MAST4: variants seen among roughly 807,000 people sequenced by gnomAD.
MAST4 encodes the protein microtubule-associated serine/threonine-protein kinase 4.
In MAST4, 89 loss-of-function variants were observed where a neutral mutation model predicts 162.7. The observed-to-expected ratio is 0.55, with a 90% CI of 0.46 to 0.65. The LOEUF (loss-of-function observed/expected upper bound fraction) is 0.65, where lower values mean the gene tolerates loss of function less well. MAST4 is among the 30% of genes least tolerant of loss of function. MAST4 has a pLI of 0.00. For synonymous variants in MAST4, 1,479 were observed against 1,361.1 expected (o/e 1.09, Z -1.91); for missense variants, 3,153 against 3,374.0 (o/e 0.93, Z 1.62).
chr5:67,167,659 A>G lies in MAST4; in HGVS notation c.*608A>G, dbSNP rs939029295. On this transcript the variant is annotated 3_prime_UTR_variant, in exon 29 of 29. Transcript: ENST00000403625. ...CTGAGTTTTTATGTGTATTTTAACC[A>G]GAGTTTCTGATAGTACTGTATCTGG... 2 of 152,244 alleles carry G rather than the reference A, an allele frequency of 1.3e-5. No homozygotes were observed. The highest frequency in any genetic ancestry group is 1.3e-4 in the Admixed American group (2 of 15,284). The allele number at this position is 152,244 out of a possible 1,614,324, so 9.4% of individuals were successfully genotyped here. A position where few individuals can be genotyped will look rare whatever the true frequency, so the allele number is the denominator to read the frequency against.
At chr5:66,906,259 CTCT>C (rs1210859530) in intron 4 of MAST4, among the ~76,000 whole-genome samples, 1 of 152,274 alleles carries the variant, frequency 6.6e-6, no homozygotes, top group Admixed American at 6.5e-5. Flanking sequence ...GTCTGACCCT[CTCT>C]TCTTATCATG....
intron 4 of MAST4, among the ~76,000 whole-genome samples, chr5:67,039,899 C>A (rs1756506957): frequency 6.6e-6 from 1 of 151,802 alleles, no homozygotes; most frequent in Non-Finnish European, 1.5e-5. Flanking sequence ...TTTGGGGTTA[C>A]AAGGCTATAA....
chr5:66,706,556 G>A (rs575915283), intron 1 of MAST4, among the ~76,000 whole-genome samples: 74 of 152,076 alleles, frequency 4.9e-4, no homozygotes, highest in Middle Eastern at 3.4e-3. Context: ...CCACAAAAAC[G>A]TAGAATTTTC....
chr5:66,948,856 C>T (rs192561119), intron 4 of MAST4, among the ~76,000 whole-genome samples: 5 of 152,148 alleles, frequency 3.3e-5, no homozygotes, highest in Admixed American at 2.0e-4. Context: ...ACTCTGTGTG[C>T]GAGCATGGTG....
chr5:66,882,938 A>G (rs564466011), intron 3 of MAST4, among the ~76,000 whole-genome samples: 31 of 152,312 alleles, frequency 2.0e-4, no homozygotes, highest in African/African-American at 7.2e-4. Context: ...AAAAACTCCT[A>G]TTTCTGAGAT....
intron 1 of MAST4, among the ~76,000 whole-genome samples, chr5:66,694,300 G>T (rs773770452): frequency 6.6e-6 from 1 of 152,048 alleles, no homozygotes; most frequent in Non-Finnish European, 1.5e-5. Flanking sequence ...TGTGCTGAAG[G>T]TCCACCCCTT....
At chr5:66,973,237 A>G (rs1457845395) in intron 4 of MAST4, among the ~76,000 whole-genome samples, 1 of 151,918 alleles carries the variant, frequency 6.6e-6, no homozygotes, top group Non-Finnish European at 1.5e-5. Flanking sequence ...GAACATCATT[A>G]TATGGGCTAT....
At chr5:66,836,838 T>A (rs1473085750) in intron 3 of MAST4, among the ~76,000 whole-genome samples, 1 of 152,098 alleles carries the variant, frequency 6.6e-6, no homozygotes, top group Admixed American at 6.5e-5. Flanking sequence ...TAGGGGGTGC[T>A]ATGCTTATTA....
At chr5:66,747,097 G>GGTGTGTGTGTGT (rs138318051) in intron 1 of MAST4, among the ~76,000 whole-genome samples, 2 of 145,990 alleles carry the variant, frequency 1.4e-5, no homozygotes, top group South Asian at 2.2e-4. Context: ...GCATGCGCAT[G>GGTGTGTGTGTGT]GTGTGTGTGT....
intron 14 of MAST4, among the ~76,000 whole-genome samples, chr5:67,129,783 G>C (rs910442372): frequency 6.6e-6 from 1 of 151,972 alleles, no homozygotes; most frequent in Admixed American, 6.6e-5. Context: ...TTGAGAAAAA[G>C]TGTCTAATAT....
At chr5:67,078,766 A>ATATATATATTTATTTATATTTATC (rs1762036037) in intron 5 of MAST4, among the ~76,000 whole-genome samples, 1 of 113,950 alleles carries the variant, frequency 8.8e-6, no homozygotes, top group African/African-American at 4.1e-5. Context: ...ATTTATCTAA[A>ATATATATATTTATTTATATTTATC]TATATATATT....
chr5:66,811,190 C>T lies in MAST4; in HGVS notation c.642+22396C>T, dbSNP rs554003828. ...GCACTGCAGAGAGAGATGTCAGTAA[C>T]GCTCTGCTGCCTCTCAGCTCTGCTG... is the stretch of plus-strand genomic sequence containing the variant. On this transcript the variant is annotated intron_variant, in intron 3 of 28. Transcript: ENST00000403625. Among the ~76,000 whole-genome samples, 69 of 152,304 alleles carry T rather than the reference C, an allele frequency of 4.5e-4. 1 individual carries two copies. In the South Asian group the frequency reaches 8.7e-3, roughly 19 times the overall value.
At chr5:66,972,814 C>T (rs545857907) in intron 4 of MAST4, among the ~76,000 whole-genome samples, 4 of 152,312 alleles carry the variant, frequency 2.6e-5, no homozygotes, top group Admixed American at 6.5e-5. Flanking sequence ...CACTGTCTTC[C>T]GTGATCCGGC....
chr5:66,657,559 C>T (rs1458963679), intron 1 of MAST4, among the ~76,000 whole-genome samples: 1 of 152,122 alleles, frequency 6.6e-6, no homozygotes, highest in Non-Finnish European at 1.5e-5. Flanking sequence ...AAGGTAAAAT[C>T]GGTATTTGTA....
chr5:66,975,325 G>A (rs1040867753), intron 4 of MAST4, among the ~76,000 whole-genome samples: 1 of 152,218 alleles, frequency 6.6e-6, no homozygotes, highest in African/African-American at 2.4e-5. Context: ...AAATGCAGTG[G>A]TAAACTGCAT....
intron 6 of MAST4, among the ~76,000 whole-genome samples, chr5:67,091,899 C>T (rs1004061639): frequency 3.3e-5 from 5 of 152,072 alleles, no homozygotes; most frequent in African/African-American, 1.2e-4. Flanking sequence ...GCATGAATTT[C>T]CGAATGGAAC....
chr5:66,919,819 C>T (rs1764374695), intron 4 of MAST4, among the ~76,000 whole-genome samples: 1 of 152,136 alleles, frequency 6.6e-6, no homozygotes, highest in Non-Finnish European at 1.5e-5. Flanking sequence ...AACTGGATGT[C>T]ATGATTGAAA....
At chr5:66,860,923 A>C (rs1312830519) in intron 3 of MAST4, among the ~76,000 whole-genome samples, 1 of 152,158 alleles carries the variant, frequency 6.6e-6, no homozygotes, top group Admixed American at 6.5e-5. Context: ...AAGCACTTTC[A>C]TGATGGAGTT....
At chr5:66,680,387 T>A (rs1402678722) in intron 1 of MAST4, among the ~76,000 whole-genome samples, 1 of 152,202 alleles carries the variant, frequency 6.6e-6, no homozygotes, top group African/African-American at 2.4e-5. Context: ...CTTTCCTGAC[T>A]CCCTTTGTCC....
Sources: gnomAD v4.1 joint callset for allele counts (sites outside exome capture counted in the v4.1 genomes callset) on GRCh38, gnomAD v4.1.1 for gene constraint, MANE v1.5 for transcripts, NCBI Gene and HGNC (gene_info 2026-07-23, HGNC 2026-07-21) for gene names.